CUEDC1: variants seen among roughly 807,000 people sequenced by gnomAD.
CUEDC1 encodes CUE domain-containing protein 1.
A neutral mutation model predicts 43.7 loss-of-function variants in CUEDC1; 30 were observed. That is an observed-to-expected ratio of 0.69 (90% confidence interval 0.51 to 0.93). The LOEUF is 0.93. Ranked by LOEUF, CUEDC1 falls within the 40% of genes least tolerant of loss-of-function variation. The pLI, the probability that CUEDC1 is intolerant of heterozygous loss-of-function variation, is 0.00. For missense variants in CUEDC1, 486 were observed against 549.0 expected, an observed-to-expected ratio of 0.89 and a Z score of 1.15; for synonymous variants, 223 against 223.6, an observed-to-expected ratio of 1.00 and a Z score of 0.02.
At chr17:57,887,519 T>C (rs2074305899) in intron 1 of CUEDC1, among the ~76,000 whole-genome samples, 1 of 147,588 alleles carries the variant, frequency 6.8e-6, no homozygotes, top group Non-Finnish European at 1.5e-5. Flanking sequence ...TTTTTTTCGG[T>C]CTCACTTTGT....
rs1353847343 is a variant in CUEDC1, at chr17:57,879,750, G to A, written c.337-12C>T. On this transcript the variant is annotated splice_polypyrimidine_tract_variant and intron_variant, in intron 2 of 10. Coordinates refer to ENST00000577830, the MANE Select transcript of CUEDC1 (RefSeq NM_001271875.2). ...GTCCTTTCCAAGATCTAAATCAGAG[G>A]CAACAGAGAAAGAAATATTAATCAT... is the stretch of plus-strand genomic sequence containing the variant. 6.3e-7 allele frequency: 1 copy of A among 1,589,960 alleles called. No individual in the cohort carries two copies. The highest frequency in any genetic ancestry group is 8.5e-7 in the Non-Finnish European group (1 of 1,171,532).
intron 1 of CUEDC1, among the ~76,000 whole-genome samples, chr17:57,916,509 C>T (rs1015755521): frequency 2.6e-5 from 4 of 152,296 alleles, no homozygotes; most frequent in Admixed American, 1.3e-4. Flanking sequence ...GGAGATGCGA[C>T]GGGGAAGCAA....
chr17:57,885,089 T>A, intron 2 of CUEDC1, 140 bp downstream of exon 2: 1 of 1,412,536 alleles, frequency 7.1e-7, no homozygotes. Context: ...GGCTGCTTGC[T>A]AATTAGAACC....
intron 10 of CUEDC1, among the ~76,000 whole-genome samples, chr17:57,866,042 C>T (rs964916502): frequency 7.2e-5 from 11 of 152,106 alleles, no homozygotes; most frequent in Middle Eastern, 3.4e-3. Flanking sequence ...AGGCTGGTCT[C>T]GAACTCCTGA....
At chr17:57,875,293 A>T (rs1380248827) in intron 3 of CUEDC1, among the ~76,000 whole-genome samples, 1 of 152,204 alleles carries the variant, frequency 6.6e-6, no homozygotes, top group East Asian at 1.9e-4. Flanking sequence ...GGAGCCACCC[A>T]GGAAAGCAGT....
intron 1 of CUEDC1, among the ~76,000 whole-genome samples, chr17:57,886,779 G>T (rs2074294736): frequency 6.8e-6 from 1 of 147,872 alleles, no homozygotes; most frequent in African/African-American, 2.5e-5. Flanking sequence ...TTTTCTCAAA[G>T]TTGTCTTGAG....
chr17:57,879,774 A>C, intron 2 of CUEDC1, 36 bp from the exon 3 acceptor site: 1 of 1,578,286 alleles, frequency 6.3e-7, no homozygotes, highest in Non-Finnish European at 8.6e-7. Flanking sequence ...AATATTAATC[A>C]TCCCTCCTTG....
At chr17:57,946,927 A>G (rs2074965069) in intron 1 of CUEDC1, among the ~76,000 whole-genome samples, 2 of 152,052 alleles carry the variant, frequency 1.3e-5, no homozygotes, top group Non-Finnish European at 2.9e-5. Context: ...TTCCCTGTTC[A>G]CACACCTTGC....
intron 1 of CUEDC1, among the ~76,000 whole-genome samples, chr17:57,929,499 A>G (rs1177582361): frequency 1.3e-5 from 2 of 152,178 alleles, no homozygotes; most frequent in Non-Finnish European, 2.9e-5. Flanking sequence ...GAAGGATTTT[A>G]AAATGTTTCT....
intron 1 of CUEDC1, among the ~76,000 whole-genome samples, chr17:57,919,258 C>A (rs2074676360): frequency 6.6e-6 from 1 of 152,092 alleles, no homozygotes; most frequent in South Asian, 2.1e-4. Context: ...CGGCTCACTG[C>A]AACCTCCGCC....
At chr17:57,929,555 T>C (rs1286945091) in intron 1 of CUEDC1, among the ~76,000 whole-genome samples, 7 of 152,338 alleles carry the variant, frequency 4.6e-5, no homozygotes, top group Admixed American at 3.3e-4. Flanking sequence ...ATCTGTGGAC[T>C]TCCCTCTTAG....
intron 1 of CUEDC1, among the ~76,000 whole-genome samples, chr17:57,939,263 G>C (rs974538885): frequency 6.6e-6 from 1 of 151,450 alleles, no homozygotes; most frequent in Non-Finnish European, 1.5e-5. Context: ...CACCATGCCC[G>C]GTCTAGCTTT....
At chr17:57,908,143 A>G (rs2074547595) in intron 1 of CUEDC1, among the ~76,000 whole-genome samples, 1 of 151,510 alleles carries the variant, frequency 6.6e-6, no homozygotes, top group South Asian at 2.1e-4. Context: ...TGCAATCTCC[A>G]CCTCCCAGGT....
chr17:57,895,803 G>C (rs73314236), intron 1 of CUEDC1, among the ~76,000 whole-genome samples: 1 of 152,206 alleles, frequency 6.6e-6, no homozygotes, highest in Non-Finnish European at 1.5e-5. Context: ...TGGAGGAAGG[G>C]GGCCACTGGT....
chr17:57,938,318 T>A (rs1372881908), intron 1 of CUEDC1, among the ~76,000 whole-genome samples: 1 of 152,242 alleles, frequency 6.6e-6, no homozygotes, highest in East Asian at 1.9e-4. Context: ...TAACGCCCTA[T>A]AAACCTAGCT....
chr17:57,877,705 G>A (rs537601155), intron 3 of CUEDC1, among the ~76,000 whole-genome samples: 3 of 151,650 alleles, frequency 2.0e-5, no homozygotes, highest in Non-Finnish European at 4.4e-5. Flanking sequence ...TGGCAACATG[G>A]TGAAACCCCG....
In CUEDC1 at chr17:57,867,337, C is replaced by T. The variant is rs1160387860; in HGVS notation, c.1093+20G>A. The T allele has an allele frequency of 9.7e-6, 15 of 1,550,240 alleles. No homozygotes were observed. Among genetic ancestry groups the T allele is most frequent in the African/African-American group, 2.7e-5 (2 of 73,034 alleles). On this transcript the variant is annotated intron_variant, in intron 9 of 10. Coordinates refer to ENST00000577830, the MANE Select transcript of CUEDC1 (RefSeq NM_001271875.2). Reference sequence around the variant, plus strand: ...CCGATCATAGAGAAGTTGGAGCTTACGACTCCCCTCCAGCCTCACCACACG... The same window carrying T: ...CCGATCATAGAGAAGTTGGAGCTTATGACTCCCCTCCAGCCTCACCACACG...
intron 10 of CUEDC1, among the ~76,000 whole-genome samples, chr17:57,865,820 TTTC>T (rs1231635896): frequency 3.7e-5 from 5 of 134,272 alleles, no homozygotes; most frequent in Admixed American, 1.5e-4. Context: ...AGTTTTTCTT[TTTC>T]TTTTTTTTTT....
intron 4 of CUEDC1, 65 bp downstream of exon 4, chr17:57,873,526 T>C: frequency 1.4e-6 from 2 of 1,464,966 alleles, no homozygotes; most frequent in Non-Finnish European, 1.8e-6. Context: ...TGGCACAAAT[T>C]GTGTGGGCAA....
Sources: allele counts gnomAD v4.1 joint callset (sites outside exome capture counted in the v4.1 genomes callset), GRCh38; gene constraint gnomAD v4.1.1; transcripts MANE v1.5; gene names NCBI Gene and HGNC (gene_info 2026-07-23, HGNC 2026-07-21).